Variants in RPTOR observed in about 807,000 individuals in gnomAD.
RPTOR encodes regulatory-associated protein of mTOR.
Under a neutral mutation model 169.9 loss-of-function variants are expected in RPTOR, and 21 were observed. The observed-to-expected ratio is 0.12, with a 90% CI of 0.09 to 0.18. RPTOR has a LOEUF of 0.18. Ranked by LOEUF, RPTOR falls within the 10% of genes least tolerant of loss-of-function variation. The pLI is 1.00. For synonymous variants in RPTOR, 732 were observed against 753.2 expected (o/e 0.97, Z 0.46); for missense variants, 1,133 against 1,855.9 (o/e 0.61, Z 7.16).
intron 24 of RPTOR, among the ~76,000 whole-genome samples, chr17:80,932,427 C>A (rs1322998682): frequency 6.6e-6 from 1 of 151,998 alleles, no homozygotes; most frequent in East Asian, 1.9e-4. Flanking sequence ...CAGAGAAAGA[C>A]CCAAGGGCAA....
chr17:80,666,093 T>G (rs543285909), intron 3 of RPTOR, among the ~76,000 whole-genome samples: 18 of 152,330 alleles, frequency 1.2e-4, no homozygotes, highest in Admixed American at 7.2e-4. Context: ...AGAGCTATAC[T>G]TTCGATGCCT....
chr17:80,545,833 C>T (rs763833466), intron 1 of RPTOR, 42 bp downstream of exon 1: 7 of 1,496,222 alleles, frequency 4.7e-6, no homozygotes, highest in Non-Finnish European at 3.6e-6. Context: ...TGGTAGTTTC[C>T]CCAACAAAGA....
intron 3 of RPTOR, among the ~76,000 whole-genome samples, chr17:80,672,464 C>CA (rs1252024739): frequency 6.7e-6 from 1 of 149,606 alleles, no homozygotes; most frequent in Non-Finnish European, 1.5e-5. Context: ...AAAGTTCATG[C>CA]AAAAAAAGAA....
chr17:80,589,614 C>A (rs1454379321), intron 1 of RPTOR, among the ~76,000 whole-genome samples: 2 of 152,132 alleles, frequency 1.3e-5, no homozygotes, highest in Non-Finnish European at 2.9e-5. Context: ...TTTTTCACAT[C>A]TTTTGTTAGA....
chr17:80,589,782 C>G (rs970534414), intron 1 of RPTOR, among the ~76,000 whole-genome samples: 5 of 152,012 alleles, frequency 3.3e-5, no homozygotes, highest in African/African-American at 1.2e-4. Flanking sequence ...ATCCAGCAAC[C>G]TTACAGAATA....
chr17:80,647,528 T>C (rs9900877), intron 3 of RPTOR, among the ~76,000 whole-genome samples: 96,872 of 152,106 alleles, frequency 0.64, 31,303 homozygotes, highest in African/African-American at 0.75. Context: ...TCTGTGTCCT[T>C]CTTTCCCCAG....
chr17:80,857,975 C>A, intron 13 of RPTOR, 75 bp downstream of exon 13: 1 of 1,143,306 alleles, frequency 8.7e-7, no homozygotes, highest in Non-Finnish European at 1.3e-6. Flanking sequence ...CCCTGCGTTT[C>A]CAGCCTGCCC....
chr17:80,928,180 T>C (rs4969310), intron 24 of RPTOR, among the ~76,000 whole-genome samples: 135,863 of 152,182 alleles, frequency 0.89, 60,902 homozygotes, highest in African/African-American at 0.97. Flanking sequence ...GTCTTAGGAG[T>C]GTCTTTAACA....
intron 3 of RPTOR, among the ~76,000 whole-genome samples, chr17:80,664,574 T>C (rs1288556122): frequency 6.6e-6 from 1 of 152,032 alleles, no homozygotes; most frequent in Non-Finnish European, 1.5e-5. Flanking sequence ...TCCTCCTGCC[T>C]CTCTTTCCAC....
chr17:80,898,185 C>T (rs920777482), intron 20 of RPTOR, among the ~76,000 whole-genome samples: 16 of 152,158 alleles, frequency 1.1e-4, no homozygotes, highest in African/African-American at 3.9e-4. Flanking sequence ...TTTTATTCTT[C>T]TAGGATTTTA....
intron 1 of RPTOR, among the ~76,000 whole-genome samples, chr17:80,557,663 G>A (rs910180047): frequency 4.6e-5 from 7 of 152,220 alleles, no homozygotes; most frequent in East Asian, 1.9e-4. Flanking sequence ...AGTGGCTCAC[G>A]CCTGTAATCC....
At chr17:80,815,520 A>C (rs1335744336) in intron 7 of RPTOR, among the ~76,000 whole-genome samples, 34 of 152,356 alleles carry the variant, frequency 2.2e-4, no homozygotes, top group Admixed American at 2.2e-3. Flanking sequence ...CATCGGCATC[A>C]GTGGGAGCAG....
At chr17:80,618,822 G>T (rs1567822957) in intron 1 of RPTOR, among the ~76,000 whole-genome samples, 1 of 152,174 alleles carries the variant, frequency 6.6e-6, no homozygotes, top group Non-Finnish European at 1.5e-5. Flanking sequence ...GTTGCTGCTG[G>T]TGATGATGAT....
chr17:80,767,477 T>C (rs1297874124), intron 6 of RPTOR, among the ~76,000 whole-genome samples: 2 of 152,228 alleles, frequency 1.3e-5, no homozygotes, highest in East Asian at 3.8e-4. Context: ...GGATAAATTC[T>C]GTGAAAGACA....
rs2065592888 is a variant in RPTOR, at chr17:80,646,019, C to T, written c.348+2209C>T. Among the ~76,000 whole-genome samples the T allele has an allele frequency of 6.6e-6, 1 of 152,176 alleles. No individual in the cohort carries two copies. The highest frequency in any genetic ancestry group is 1.5e-5 in the Non-Finnish European group (1 of 68,034). On this transcript the variant is annotated intron_variant, in intron 3 of 33. Transcript: ENST00000306801. This position sits in a 1 kb window ranked among gnomAD's most constrained non-coding sequence, Gnocchi z 5.0. ...TGAGATGGAGAATGTGTTAAGATTA[C>T]AGGATGCTTCGGAAAAGGTACCAGC... is the stretch of plus-strand genomic sequence containing the variant.
chr17:80,850,793 G>T, intron 11 of RPTOR, among the ~76,000 whole-genome samples: 1 of 152,154 alleles, frequency 6.6e-6, no homozygotes, highest in East Asian at 1.9e-4. Flanking sequence ...CTCCAAAACC[G>T]CCCTGCTCAT....
intron 25 of RPTOR, 131 bp downstream of exon 25, chr17:80,940,732 C>T (rs895688470): frequency 3.0e-5 from 20 of 659,386 alleles, no homozygotes; most frequent in African/African-American, 2.0e-4. Context: ...ACGACAGACC[C>T]GCCCCGCACC....
chr17:80,715,418 C>T lies in RPTOR; in HGVS notation c.507+7419C>T, dbSNP rs1043894510. ...ATCTGAATAGCCCTATATCAATCGG[C>T]TTCTTTCCAAGGCCATGCCAGGCAT... is the stretch of plus-strand genomic sequence containing the variant. On this transcript the variant is annotated intron_variant, in intron 4 of 33. Transcript: ENST00000306801. Among the ~76,000 whole-genome samples the T allele has an allele frequency of 5.9e-5, 9 of 152,268 alleles. No individual in the cohort carries two copies. In the South Asian group the frequency reaches 1.2e-3, roughly 21 times the overall value.
chr17:80,719,102 A>T (rs1385222566), intron 4 of RPTOR, among the ~76,000 whole-genome samples: 2 of 152,202 alleles, frequency 1.3e-5, no homozygotes, highest in African/African-American at 4.8e-5. Flanking sequence ...CCGGAGGTCC[A>T]TGAGTATGGG....
Sources: allele counts gnomAD v4.1 joint callset (sites outside exome capture counted in the v4.1 genomes callset), GRCh38; gene constraint gnomAD v4.1.1; non-coding constraint Gnocchi (gnomAD v3.1); transcripts MANE v1.5; gene names NCBI Gene and HGNC (gene_info 2026-07-23, HGNC 2026-07-21).